WWOX: variants seen among roughly 807,000 people sequenced by gnomAD.
WWOX encodes WW domain-containing oxidoreductase.
In WWOX, 69 loss-of-function variants were observed where a neutral mutation model predicts 46.2. That is an observed-to-expected ratio of 1.49 (90% confidence interval 1.23 to 1.82). The LOEUF (loss-of-function observed/expected upper bound fraction) is 1.82. Ranked by LOEUF, WWOX falls within the 40% of genes most tolerant of loss-of-function variation. The probability of loss-of-function intolerance (pLI) is 0.00; values close to 1 mark genes in which losing one functional copy is unlikely to be tolerated. For missense variants in WWOX, 919 were observed against 542.6 expected, an observed-to-expected ratio of 1.69 and a Z score of -6.89; for synonymous variants, 359 against 202.6, an observed-to-expected ratio of 1.77 and a Z score of -6.56.
intron 8 of WWOX, among the ~76,000 whole-genome samples, chr16:78,546,629 C>G (rs1025114529): frequency 6.6e-6 from 1 of 152,148 alleles, no homozygotes; most frequent in Admixed American, 6.5e-5. Context: ...ATATAAATTC[C>G]TAGTCCCACT....
intron 8 of WWOX, among the ~76,000 whole-genome samples, chr16:79,175,989 T>TAAA (rs2050792597): frequency 1.3e-5 from 2 of 152,214 alleles, no homozygotes; most frequent in Non-Finnish European, 2.9e-5. Flanking sequence ...GCCTTTGAAT[T>TAAA]TTAGCAGAAA....
chr16:78,380,574 G>T (rs538293212), intron 5 of WWOX, among the ~76,000 whole-genome samples: 1 of 152,208 alleles, frequency 6.6e-6, no homozygotes, highest in South Asian at 2.1e-4. Flanking sequence ...CACCCATTCA[G>T]CGGTGACCAC....
At chr16:78,347,992 C>A (rs1267735952) in intron 5 of WWOX, among the ~76,000 whole-genome samples, 1 of 122,390 alleles carries the variant, frequency 8.2e-6, no homozygotes, top group African/African-American at 2.8e-5. Flanking sequence ...AAAATCATGC[C>A]CAAGTTTTAA....
chr16:79,112,404 C>A (rs569424137), intron 8 of WWOX, among the ~76,000 whole-genome samples: 9 of 152,196 alleles, frequency 5.9e-5, no homozygotes, highest in South Asian at 4.2e-4. Flanking sequence ...TTGCTCATAC[C>A]CTGGACCAAG....
At chr16:78,462,802 C>G (rs1344144516) in intron 8 of WWOX, among the ~76,000 whole-genome samples, 3 of 152,234 alleles carry the variant, frequency 2.0e-5, no homozygotes, top group Admixed American at 1.3e-4. Flanking sequence ...TTGATTAGCT[C>G]TGAGAAACGA....
chr16:78,936,714 G>A (rs1377692118), intron 8 of WWOX, among the ~76,000 whole-genome samples: 2 of 152,078 alleles, frequency 1.3e-5, no homozygotes, highest in Non-Finnish European at 2.9e-5. Flanking sequence ...CAACAGCTCA[G>A]CAATCACAGT....
intron 4 of WWOX, among the ~76,000 whole-genome samples, chr16:78,160,161 G>C (rs1024622921): frequency 6.6e-6 from 1 of 151,656 alleles, no homozygotes; most frequent in Non-Finnish European, 1.5e-5. Flanking sequence ...GATCATCTTG[G>C]ATGCTTAGAT....
rs908948247 is a variant in WWOX, at chr16:79,211,975, G to C, written c.*179G>C. On this transcript the variant is annotated 3_prime_UTR_variant, in exon 9 of 9. Transcript: ENST00000566780. ...ACCAATGGGAAGCAGGGAATTCCTG[G>C]GGTAAAGTATCACTTTTCTGGGGCT... 2.6e-6 allele frequency: 4 copies of C among 1,526,006 alleles called. No individual in the cohort carries two copies. Among genetic ancestry groups the C allele is most frequent in the East Asian group, 4.9e-5 (2 of 40,842 alleles). The allele number at this position is 1,526,006 out of a possible 1,614,324, so 94.5% of individuals were successfully genotyped here.
intron 4 of WWOX, among the ~76,000 whole-genome samples, chr16:78,121,094 G>A (rs1037822802): frequency 2.0e-5 from 3 of 152,032 alleles, no homozygotes; most frequent in Non-Finnish European, 4.4e-5. Flanking sequence ...TTGCACTTGG[G>A]ATCTTGAAAT....
intron 8 of WWOX, 78 bp from the exon 9 acceptor site, chr16:79,211,530 G>A: frequency 6.3e-7 from 1 of 1,585,814 alleles, no homozygotes; most frequent in Non-Finnish European, 8.6e-7. Flanking sequence ...GCCTGCTAAT[G>A]CCCAGGCAGT....
chr16:78,544,153 T>A (rs2043965696), intron 8 of WWOX, among the ~76,000 whole-genome samples: 1 of 152,210 alleles, frequency 6.6e-6, no homozygotes, highest in African/African-American at 2.4e-5. Context: ...CATAATCTCT[T>A]AATATTCAAT....
chr16:78,601,253 G>A (rs1229590989), intron 8 of WWOX, among the ~76,000 whole-genome samples: 3 of 152,082 alleles, frequency 2.0e-5, no homozygotes, highest in Non-Finnish European at 4.4e-5. Context: ...GAAGGAAGCC[G>A]GGTCCCTCTT....
chr16:78,117,100 T>A (rs1236699924), intron 4 of WWOX, among the ~76,000 whole-genome samples: 3 of 152,222 alleles, frequency 2.0e-5, no homozygotes, highest in Non-Finnish European at 4.4e-5. Context: ...TTGCTGAGAA[T>A]GGCCCTCACA....
chr16:78,657,172 AG>A (rs2047100414), intron 8 of WWOX, among the ~76,000 whole-genome samples: 1 of 151,956 alleles, frequency 6.6e-6, no homozygotes, highest in Non-Finnish European at 1.5e-5. Flanking sequence ...CTCATCACTG[AG>A]GTTTGTCATT....
At chr16:79,175,357 C>A (rs1381049635) in intron 8 of WWOX, among the ~76,000 whole-genome samples, 1 of 152,114 alleles carries the variant, frequency 6.6e-6, no homozygotes, top group Non-Finnish European at 1.5e-5. Context: ...GTATCTAAGA[C>A]TTCTGGGTGT....
intron 8 of WWOX, among the ~76,000 whole-genome samples, chr16:78,736,906 GC>G (rs2049105484): frequency 6.6e-6 from 1 of 152,060 alleles, no homozygotes; most frequent in Non-Finnish European, 1.5e-5. Context: ...AATGTGCCCG[GC>G]CCACAATGGT....
At chr16:78,490,068 A>T (rs2084740643) in intron 8 of WWOX, among the ~76,000 whole-genome samples, 1 of 152,026 alleles carries the variant, frequency 6.6e-6, no homozygotes, top group African/African-American at 2.4e-5. Flanking sequence ...ATATTAGTTT[A>T]TTAGAGACAA....
At chr16:78,870,177 A>G (rs1226259599) in intron 8 of WWOX, among the ~76,000 whole-genome samples, 2 of 152,168 alleles carry the variant, frequency 1.3e-5, no homozygotes. Flanking sequence ...TCCTAACCCT[A>G]AGATCCTGGA....
At chr16:78,322,568 A>G (rs1330112563) in intron 5 of WWOX, among the ~76,000 whole-genome samples, 2 of 152,220 alleles carry the variant, frequency 1.3e-5, no homozygotes, top group Admixed American at 1.3e-4. Flanking sequence ...TCGTACAGTC[A>G]GTGAGTGTGA....
Sources: gnomAD v4.1 joint callset for allele counts (sites outside exome capture counted in the v4.1 genomes callset) on GRCh38, gnomAD v4.1.1 for gene constraint, MANE v1.5 for transcripts, NCBI Gene and HGNC (gene_info 2026-07-23, HGNC 2026-07-21) for gene names.